Variants in STIM1 observed in about 807,000 individuals in gnomAD.
STIM1 encodes stromal interaction molecule 1.
In STIM1, 25 loss-of-function variants were observed where a neutral mutation model predicts 74.7. The observed-to-expected ratio is 0.33, with a 90% CI of 0.24 to 0.47. The LOEUF (loss-of-function observed/expected upper bound fraction) is 0.47. STIM1 is among the 20% of genes least tolerant of loss of function. STIM1 has a pLI of 1.00. For missense variants in STIM1, 728 were observed against 920.8 expected, an observed-to-expected ratio of 0.79 and a Z score of 2.71; for synonymous variants, 328 against 348.8, an observed-to-expected ratio of 0.94 and a Z score of 0.66.
At chr11:4,031,190 A>G (rs555603508) in intron 3 of STIM1, among the ~76,000 whole-genome samples, 1 of 152,302 alleles carries the variant, frequency 6.6e-6, no homozygotes, top group East Asian at 1.9e-4. Context: ...CAGTGTAACT[A>G]TTTTGAGGTT....
chr11:3,865,367 T>C (rs2090814060), intron 1 of STIM1, among the ~76,000 whole-genome samples: 1 of 152,196 alleles, frequency 6.6e-6, no homozygotes, highest in Non-Finnish European at 1.5e-5. Context: ...CTGTCTACCC[T>C]AATGGAGCCT....
At chr11:4,018,725 G>T (rs1254244537) in intron 2 of STIM1, among the ~76,000 whole-genome samples, 1 of 151,250 alleles carries the variant, frequency 6.6e-6, no homozygotes, top group South Asian at 2.1e-4. Flanking sequence ...ATCTCCTGCT[G>T]GTTACCACCT....
chr11:3,932,926 A>G (rs1216420485), intron 1 of STIM1, among the ~76,000 whole-genome samples: 1 of 152,104 alleles, frequency 6.6e-6, no homozygotes, highest in Admixed American at 6.5e-5. Context: ...TCCTCTACAG[A>G]GTTGAGGTTA....
intron 1 of STIM1, among the ~76,000 whole-genome samples, chr11:3,928,294 C>T (rs569585747): frequency 1.1e-4 from 17 of 150,848 alleles, no homozygotes; most frequent in Admixed American, 5.9e-4. Context: ...GGTGCAATCT[C>T]GGCTCAGTGC....
At chr11:4,029,429 T>TTTTCTCCATGTCTGCACGGGC in intron 3 of STIM1, among the ~76,000 whole-genome samples, 1 of 151,774 alleles carries the variant, frequency 6.6e-6, no homozygotes, top group East Asian at 1.9e-4. Flanking sequence ...AGTTTGCACA[T>TTTTCTCCATGTCTGCACGGGC]TTTCTCCATG....
At position 3,856,220 on chromosome 11, in the gene STIM1, T is replaced by C; in HGVS notation, c.-51T>C. 6.2e-7 allele frequency: 1 copy of C among 1,612,190 alleles called. No individual in the cohort carries two copies. The highest frequency in any genetic ancestry group is 8.5e-7 in the Non-Finnish European group (1 of 1,179,118). On this transcript the variant is annotated 5_prime_UTR_variant, in exon 1 of 13. Transcript: ENST00000526596. ...ACTCCCGGGCTCCTGGCTTTGCCTC[T>C]GGGATCCCGAGGTGTCCACATCAGA...
At chr11:3,876,639 G>T (rs905034959) in intron 1 of STIM1, among the ~76,000 whole-genome samples, 1 of 152,098 alleles carries the variant, frequency 6.6e-6, no homozygotes, top group African/African-American at 2.4e-5. Context: ...GAACTCCTGG[G>T]CTCAAGTGAT....
intron 1 of STIM1, among the ~76,000 whole-genome samples, chr11:3,894,730 C>T (rs916535145): frequency 6.6e-6 from 1 of 151,784 alleles, no homozygotes; most frequent in Non-Finnish European, 1.5e-5. Context: ...TGTTTTTAAC[C>T]GTGTTCTTTT....
intron 3 of STIM1, among the ~76,000 whole-genome samples, chr11:4,026,549 A>G (rs993622090): frequency 1.3e-5 from 2 of 152,214 alleles, no homozygotes; most frequent in African/African-American, 4.8e-5. Context: ...CACTTCAGAC[A>G]TCAGCCATAA....
At chr11:3,872,505 C>T (rs981004535) in intron 1 of STIM1, among the ~76,000 whole-genome samples, 1 of 150,702 alleles carries the variant, frequency 6.6e-6, no homozygotes, top group African/African-American at 2.4e-5. Flanking sequence ...AGTCTCTTTG[C>T]CTCCATTTTC....
intron 6 of STIM1, 148 bp from the exon 7 acceptor site, chr11:4,074,354 C>A: frequency 2.1e-6 from 2 of 940,362 alleles, no homozygotes; most frequent in South Asian, 1.5e-5. Context: ...GGGCCTTGAG[C>A]TAGCTCAGAG....
intron 3 of STIM1, among the ~76,000 whole-genome samples, chr11:4,024,539 T>C (rs1386763412): frequency 1.3e-5 from 2 of 152,234 alleles, no homozygotes; most frequent in African/African-American, 4.8e-5. Flanking sequence ...CTCCTTCTTG[T>C]CTTGATTTCC....
At chr11:3,972,637 CT>C (rs59269471) in intron 2 of STIM1, among the ~76,000 whole-genome samples, 10 of 150,130 alleles carry the variant, frequency 6.7e-5, no homozygotes, top group South Asian at 2.1e-4. Flanking sequence ...CACAGTCCTA[CT>C]TTTTTTTTTG....
chr11:3,946,151 G>C (rs2093070486), intron 1 of STIM1, among the ~76,000 whole-genome samples: 1 of 152,152 alleles, frequency 6.6e-6, no homozygotes, highest in Non-Finnish European at 1.5e-5. Flanking sequence ...GCGCTGGATA[G>C]GAATTTCTTG....
At chr11:3,906,811 A>G (rs1188194687) in intron 1 of STIM1, among the ~76,000 whole-genome samples, 1 of 152,212 alleles carries the variant, frequency 6.6e-6, no homozygotes, top group Non-Finnish European at 1.5e-5. Flanking sequence ...GAATAAAGCA[A>G]TAAGTAGATG....
chr11:3,855,189 G>T (rs2090315581), upstream of STIM1: 1 of 152,496 alleles, frequency 6.6e-6, no homozygotes, highest in Non-Finnish European at 1.5e-5. Flanking sequence ...CTCGCCCCCG[G>T]GCCGAGCCGG....
chr11:4,047,503 C>A (rs556077291), intron 3 of STIM1, among the ~76,000 whole-genome samples: 1 of 152,262 alleles, frequency 6.6e-6, no homozygotes, highest in South Asian at 2.1e-4. Flanking sequence ...GTAATCCCAG[C>A]TACTCCAGAG....
chr11:3,907,001 T>C (rs1436438964), intron 1 of STIM1, among the ~76,000 whole-genome samples: 1 of 152,130 alleles, frequency 6.6e-6, no homozygotes, highest in Non-Finnish European at 1.5e-5. Flanking sequence ...TGCCTTCACT[T>C]ATCTGATGTT....
chr11:3,892,479 T>C (rs1478522538), intron 1 of STIM1: 47 of 1,522,246 alleles, frequency 3.1e-5, no homozygotes, highest in Non-Finnish European at 4.0e-5. Context: ...TCCACAATAT[T>C]CATGCCTTCT....
Sources: allele counts gnomAD v4.1 joint callset (sites outside exome capture counted in the v4.1 genomes callset), GRCh38; gene constraint gnomAD v4.1.1; transcripts MANE v1.5; gene names NCBI Gene and HGNC (gene_info 2026-07-23, HGNC 2026-07-21).